Variants in COG6 observed in about 807,000 individuals in gnomAD.
COG6 encodes conserved oligomeric Golgi complex subunit 6.
Under a neutral mutation model 88.8 loss-of-function variants are expected in COG6, and 74 were observed. The ratio of observed to expected loss-of-function variants is 0.83; its 90% confidence interval spans 0.69 to 1.01. The LOEUF (loss-of-function observed/expected upper bound fraction) is 1.01. Among genes scored for constraint, COG6 ranks in the 50% least tolerant of loss-of-function variants. COG6 has a pLI of 0.00. For missense variants in COG6, 800 were observed against 797.9 expected (o/e 1.00, Z -0.03); for synonymous variants, 286 against 278.7 (o/e 1.03, Z -0.26).
At position 39,724,483 on chromosome 13, in the gene COG6, C is replaced by CCTT. The variant is rs1566197012; in HGVS notation, c.1693-25_1693-24insCTT. On this transcript the variant is annotated intron_variant, in intron 16 of 18. Coordinates refer to ENST00000455146, the MANE Select transcript of COG6 (RefSeq NM_020751.3). Reference sequence around the variant, plus strand: ...TCTCCTTTTTTACATCTTGGATCTGCTTTTTTTTTTTTTTTTTTAAATAGG... The same window carrying CCTT: ...TCTCCTTTTTTACATCTTGGATCTGCCTTTTTTTTTTTTTTTTTTTTAAATAGG... 5 of 1,283,664 alleles carry CCTT rather than the reference C, an allele frequency of 3.9e-6. 1 individual carries two copies. Among genetic ancestry groups the CCTT allele is most frequent in the African/African-American group, 1.7e-5 (1 of 60,446 alleles). 79.5% of individuals were successfully genotyped at this position (1,283,664 alleles called of 1,614,324 possible). A position where few individuals can be genotyped will look rare whatever the true frequency, so the allele number is the denominator to read the frequency against.
rs565075041 is a variant in COG6 at position 39,694,954 on chromosome 13, C to T, written c.1166+229C>T. ...CCTTTTTTCTCCAAGCTTAACTACA[C>T]GCACACACACACACACACACACACA... On this transcript the variant is annotated intron_variant, in intron 12 of 18. Transcript: ENST00000455146. 4.0e-3 allele frequency among the ~76,000 whole-genome samples: 309 copies of T among 77,524 alleles called. 4 individuals carry two copies. The highest frequency in any genetic ancestry group is 0.013 in the African/African-American group (284 of 21,492). 50.9% of individuals were successfully genotyped at this position (77,524 alleles called of 152,430 possible). A position where few individuals can be genotyped will look rare whatever the true frequency, so the allele number is the denominator to read the frequency against.
rs145429278 is a variant in COG6 at position 39,770,911 on chromosome 13, G to A, written c.1827-17424G>A. Among the ~76,000 whole-genome samples, 577 of 152,228 alleles carry A rather than the reference G, an allele frequency of 3.8e-3. 4 individuals carry two copies. Among genetic ancestry groups the A allele is most frequent in the African/African-American group, 0.013 (539 of 41,540 alleles). ...AGGTTTTTTCAAAAGGACTTCCACC[G>A]CCTCATTGCCTTCTCTTCTTGTTTC... On this transcript the variant is annotated intron_variant, in intron 18 of 18. Transcript: ENST00000416691.
intron 18 of COG6, among the ~76,000 whole-genome samples, chr13:39,732,955 G>T (rs901796105): frequency 2.6e-5 from 4 of 151,972 alleles, no homozygotes; most frequent in Non-Finnish European, 4.4e-5. Context: ...AAAGACATTT[G>T]CAGGGAACAG....
At chr13:39,706,202 T>C (rs1307649804) in intron 13 of COG6, among the ~76,000 whole-genome samples, 2 of 79,980 alleles carry the variant, frequency 2.5e-5, no homozygotes, top group Non-Finnish European at 4.7e-5. Flanking sequence ...ACTTCTTTTA[T>C]ATATATACTC....
At chr13:39,726,106 T>TTAA (rs1879122252) in intron 17 of COG6, among the ~76,000 whole-genome samples, 1 of 151,946 alleles carries the variant, frequency 6.6e-6, no homozygotes, top group African/African-American at 2.4e-5. Flanking sequence ...AGTTTTGTAT[T>TTAA]TAATACGTGA....
chr13:39,721,076 A>C (rs1382506162), intron 15 of COG6, among the ~76,000 whole-genome samples: 1 of 152,064 alleles, frequency 6.6e-6, no homozygotes, highest in Non-Finnish European at 1.5e-5. Flanking sequence ...AATTAATAAC[A>C]TTTTTATTTA....
At chr13:39,742,411 C>G (rs1159962191) in intron 18 of COG6, among the ~76,000 whole-genome samples, 2 of 151,998 alleles carry the variant, frequency 1.3e-5, no homozygotes, top group East Asian at 1.9e-4. Flanking sequence ...GGAGGAAGAT[C>G]TACCAAGCAA....
chr13:39,681,484 T>A (rs2137991399), intron 7 of COG6, among the ~76,000 whole-genome samples: 1 of 152,194 alleles, frequency 6.6e-6, no homozygotes, highest in South Asian at 2.1e-4. Flanking sequence ...CTCTGTCTTG[T>A]GGAGACTATG....
intron 12 of COG6, among the ~76,000 whole-genome samples, chr13:39,696,068 C>G (rs150362685): frequency 6.6e-6 from 1 of 151,784 alleles, no homozygotes; most frequent in Admixed American, 6.6e-5. Context: ...TAAAATAATT[C>G]AGATTCTGAA....
chr13:39,676,351 A>T (rs553741416), intron 4 of COG6, among the ~76,000 whole-genome samples: 1 of 152,144 alleles, frequency 6.6e-6, no homozygotes, highest in African/African-American at 2.4e-5. Flanking sequence ...TTTGAATAAG[A>T]CCTCAAAAGC....
intron 16 of COG6, 22 bp from the exon 17 acceptor site, chr13:39,724,483 CTTT>C (rs58666375): frequency 5.9e-3 from 7,472 of 1,264,898 alleles, no homozygotes; most frequent in Non-Finnish European, 6.8e-3. Flanking sequence ...CTTGGATCTG[CTTT>C]TTTTTTTTTT....
intron 7 of COG6, among the ~76,000 whole-genome samples, chr13:39,681,334 C>A (rs1019719371): frequency 6.6e-6 from 1 of 152,060 alleles, no homozygotes; most frequent in African/African-American, 2.4e-5. Flanking sequence ...GTGTTGTCTG[C>A]CTTTCTCTCA....
At chr13:39,708,491 T>TC (rs1157959043) in intron 13 of COG6, among the ~76,000 whole-genome samples, 3 of 152,194 alleles carry the variant, frequency 2.0e-5, no homozygotes, top group Admixed American at 6.6e-5. Flanking sequence ...TCTGTATTTT[T>TC]CTCTAAGAAG....
chr13:39,790,540 T>G (rs1425604860), exon 19 of COG6: 1 of 152,118 alleles, frequency 6.6e-6, no homozygotes, highest in Non-Finnish European at 1.5e-5. Context: ...CTGTTCTTCC[T>G]CATTACTTTT....
intron 15 of COG6, 49 bp from the exon 16 acceptor site, chr13:39,723,284 C>T (rs1463789021): frequency 1.7e-6 from 2 of 1,162,236 alleles, no homozygotes; most frequent in Admixed American, 1.7e-5. Context: ...CATCTACTCT[C>T]ATCAGTGTCA....
chr13:39,709,630 T>C (rs1878129350), intron 13 of COG6, among the ~76,000 whole-genome samples: 1 of 152,192 alleles, frequency 6.6e-6, no homozygotes, highest in Non-Finnish European at 1.5e-5. Flanking sequence ...TTTTCATGGC[T>C]GAATAGTATT....
intron 13 of COG6, among the ~76,000 whole-genome samples, chr13:39,701,597 G>A (rs1877581827): frequency 6.6e-6 from 1 of 152,030 alleles, no homozygotes. Flanking sequence ...GCCAAGAGAA[G>A]ACAGTTTCTA....
intron 12 of COG6, among the ~76,000 whole-genome samples, chr13:39,695,552 A>G (rs1877228118): frequency 6.6e-6 from 1 of 151,864 alleles, no homozygotes; most frequent in Non-Finnish European, 1.5e-5. Flanking sequence ...TTAAAAATCT[A>G]AGAAGGATGT....
intron 2 of COG6, among the ~76,000 whole-genome samples, chr13:39,660,295 A>G (rs1171968913): frequency 1.3e-5 from 2 of 152,166 alleles, no homozygotes; most frequent in African/African-American, 2.4e-5. Flanking sequence ...TCCTGGGCTC[A>G]CGCAATTCTC....
Sources: gnomAD v4.1 joint callset for allele counts (sites outside exome capture counted in the v4.1 genomes callset) on GRCh38, gnomAD v4.1.1 for gene constraint, MANE v1.5 for transcripts, NCBI Gene and HGNC (gene_info 2026-07-23, HGNC 2026-07-21) for gene names.